Variants in TECPR2 observed in about 807,000 individuals in gnomAD.
The protein encoded by TECPR2 is tectonin beta-propeller repeat containing 2.
A neutral mutation model predicts 138.1 loss-of-function variants in TECPR2; 65 were observed. The ratio of observed to expected loss-of-function variants is 0.47; its 90% CI spans 0.39 to 0.58. TECPR2 has a LOEUF of 0.58. TECPR2 is among the 20% of genes least tolerant of loss of function. TECPR2 has a pLI of 0.00. For synonymous variants in TECPR2, 746 were observed against 749.8 expected (o/e 0.99, Z 0.08); for missense variants, 1,553 against 1,824.5 (o/e 0.85, Z 2.71).
chr14:102,365,288 C>T (rs1192013142), intron 1 of TECPR2, among the ~76,000 whole-genome samples: 1 of 152,132 alleles, frequency 6.6e-6, no homozygotes, highest in African/African-American at 2.4e-5. Flanking sequence ...TGGTGCTGTG[C>T]GATAACTGCC....
rs748834311 is a variant in TECPR2, at chr14:102,443,733, G to A, written c.2839G>A (p.Val947Met). 2.5e-6 allele frequency: 4 copies of A among 1,613,260 alleles called. No individual in the cohort carries two copies. The highest frequency in any genetic ancestry group is 3.4e-6 in the Non-Finnish European group (4 of 1,179,360). The change falls in exon 12 of 20, where the codon GTG (valine) becomes ATG (methionine). Residue 947 changes from valine to methionine, a missense_variant. Val to Met is a conservative substitution (Grantham distance 21). Transcript: ENST00000359520. The surrounding 1 kb of genome is among the most constrained non-coding windows in gnomAD (Gnocchi z 4.9). ...LSQITARNNV[V>M]WALTEQRALL... ...CCAGATCACAGCCCGGAACAATGTG[G>A]TGTGGGCGCTGACAGAGCAGAGGGC...
rs769212874 is a variant in TECPR2, at chr14:102,497,005, C to T, written c.3816C>T (p.Val1272=). The change falls in exon 18 of 20, where the codon GTC becomes GTT. Residue 1272 remains valine, a synonymous_variant. Coordinates refer to ENST00000359520, the MANE Select transcript of TECPR2 (RefSeq NM_014844.5). The part of the protein sequence containing the change: ...VQPAGVSLVS[V]HSSPNDQMLW... ...CCGCCGGGGTCAGCTTGGTCAGCGT[C>T]CATTCCAGCCCCAACGACCAGATGC... is the stretch of plus-strand genomic sequence containing the variant. 4.3e-6 allele frequency: 7 copies of T among 1,614,068 alleles called. No homozygotes were observed. The South Asian group carries it at 6.6e-5, about 15-fold the overall frequency.
At chr14:102,463,348 C>T (rs1213112355) in intron 16 of TECPR2, among the ~76,000 whole-genome samples, 2 of 135,218 alleles carry the variant, frequency 1.5e-5, no homozygotes, top group East Asian at 2.4e-4. Flanking sequence ...ACCCGGGAGG[C>T]GGAGCTTGCA....
At chr14:102,455,065 G>A (rs1338395306) in intron 16 of TECPR2, among the ~76,000 whole-genome samples, 1 of 152,170 alleles carries the variant, frequency 6.6e-6, no homozygotes, top group Non-Finnish European at 1.5e-5. Flanking sequence ...TTTCTCTCGG[G>A]GAGAAACCTG....
At chr14:102,463,416 C>CAAAAAAAAAAAAAAAAAAAAAAAAA (rs550694466) in intron 16 of TECPR2, among the ~76,000 whole-genome samples, 1 of 38,534 alleles carries the variant, frequency 2.6e-5, no homozygotes, top group East Asian at 7.8e-4. Context: ...GACTCCGTCT[C>CAAAAAAAAAAAAAAAAAAAAAAAAA]AAAAAAAAAA....
At chr14:102,495,353 C>A (rs1235701734) in intron 17 of TECPR2, among the ~76,000 whole-genome samples, 4 of 152,224 alleles carry the variant, frequency 2.6e-5, no homozygotes, top group Non-Finnish European at 5.9e-5. Flanking sequence ...TATTCACCAC[C>A]TTCCCTCTGA....
Position 102,440,432 on chromosome 14 carries a change from A to G in TECPR2, c.2579-4A>G, listed in dbSNP as rs752508756. The G allele has an allele frequency of 1.6e-5, 26 of 1,613,708 alleles. No individual in the cohort carries two copies. The highest frequency in any genetic ancestry group is 2.2e-5 in the East Asian group (1 of 44,896). Reference sequence around the variant, plus strand: ...GACAGTGAATAGAATTTTTATTTCCATAGGAGCCCTTCTCTGGAAGATTGA... The same window carrying G: ...GACAGTGAATAGAATTTTTATTTCCGTAGGAGCCCTTCTCTGGAAGATTGA... On this transcript the variant is annotated splice_polypyrimidine_tract_variant and splice_region_variant and intron_variant, in intron 10 of 19. Coordinates refer to ENST00000359520, the MANE Select transcript of TECPR2 (RefSeq NM_014844.5).
chr14:102,408,408 G>A lies in TECPR2; in HGVS notation c.349-80G>A, dbSNP rs915711721. On this transcript the variant is annotated intron_variant, in intron 3 of 19. Coordinates refer to ENST00000359520, the MANE Select transcript of TECPR2 (RefSeq NM_014844.5). ...AGCTCTTCCCTAACTAGGAGTGATT[G>A]TATACCTTTTCCATGTAGCCCCAGC... 7.5e-6 allele frequency: 11 copies of A among 1,473,546 alleles called. No individual in the cohort carries two copies. In the East Asian group the frequency reaches 1.9e-4, roughly 25 times the overall value. The allele number at this position is 1,473,546 out of a possible 1,614,324, so 91.3% of individuals were successfully genotyped here.
chr14:102,380,894 G>A (rs1887790638), intron 2 of TECPR2, among the ~76,000 whole-genome samples: 1 of 151,654 alleles, frequency 6.6e-6, no homozygotes, highest in African/African-American at 2.4e-5. Context: ...TCACCAGGAT[G>A]GTCTCGATCT....
At chr14:102,456,621 G>GCT (rs1360561336) in intron 16 of TECPR2, among the ~76,000 whole-genome samples, 2 of 144,448 alleles carry the variant, frequency 1.4e-5, no homozygotes, top group African/African-American at 2.6e-5. Context: ...ACAGAGTCTC[G>GCT]CTCTGTTGCC....
intron 5 of TECPR2, among the ~76,000 whole-genome samples, chr14:102,423,384 C>G (rs1168551492): frequency 6.6e-6 from 1 of 151,788 alleles, no homozygotes; most frequent in Non-Finnish European, 1.5e-5. Context: ...TTGCATTGAG[C>G]CCAGATTGCG....
At chr14:102,430,505 T>C (rs1344401671) in intron 7 of TECPR2, among the ~76,000 whole-genome samples, 1 of 152,202 alleles carries the variant, frequency 6.6e-6, no homozygotes, top group Non-Finnish European at 1.5e-5. Flanking sequence ...CAGGAATTCC[T>C]GTGTCTTATG....
In TECPR2 at chr14:102,498,317, A is replaced by T. The variant is rs2403058; in HGVS notation, c.*60A>T. On this transcript the variant is annotated 3_prime_UTR_variant, in exon 20 of 20. Transcript: ENST00000359520. ...CGTCTGTGGCGGGCACAGGGGCTTC[A>T]GAGTGACTCCCTGGTGGACGCGCTG... 1 of 1,535,986 alleles carries T rather than the reference A, an allele frequency of 6.5e-7. No homozygotes were observed. Among genetic ancestry groups the T allele is most frequent in the South Asian group, 1.2e-5 (1 of 83,422 alleles).
At chr14:102,406,758 G>A (rs965918517) in intron 2 of TECPR2, among the ~76,000 whole-genome samples, 1 of 152,170 alleles carries the variant, frequency 6.6e-6, no homozygotes, top group Non-Finnish European at 1.5e-5. Flanking sequence ...GGAGGCTGAG[G>A]TGCGAGGATC....
intron 7 of TECPR2, among the ~76,000 whole-genome samples, chr14:102,431,295 A>G (rs1166830051): frequency 6.6e-6 from 1 of 151,548 alleles, no homozygotes; most frequent in Non-Finnish European, 1.5e-5. Flanking sequence ...GAAGAACAAA[A>G]ACTGTTTCTT....
At chr14:102,477,862 G>A (rs1344958521) in intron 17 of TECPR2, among the ~76,000 whole-genome samples, 1 of 141,242 alleles carries the variant, frequency 7.1e-6, no homozygotes, top group African/African-American at 2.6e-5. Flanking sequence ...GTGAACCCAG[G>A]AGGCGGAACT....
intron 5 of TECPR2, among the ~76,000 whole-genome samples, chr14:102,422,731 G>C (rs982878977): frequency 2.0e-5 from 3 of 152,248 alleles, no homozygotes; most frequent in African/African-American, 7.2e-5. Flanking sequence ...GGGGCAGGAA[G>C]TGTTAGGAGC....
Position 102,438,791 on chromosome 14 carries a change from C to T in TECPR2, c.2578+586C>T, listed in dbSNP as rs190905779. On this transcript the variant is annotated intron_variant, in intron 10 of 19. Coordinates refer to ENST00000359520, the MANE Select transcript of TECPR2 (RefSeq NM_014844.5). ...TGAACTGGAGCTGGTGTTTCCTGAA[C>T]GATGTTCTCCTGAGCTGGAAGACCT... 6.2e-4 allele frequency among the ~76,000 whole-genome samples: 94 copies of T among 151,960 alleles called. 2 individuals carry two copies. The highest frequency in any genetic ancestry group is 2.1e-3 in the African/African-American group (87 of 41,466).
At chr14:102,468,343 A>G (rs1401522479) in intron 17 of TECPR2, among the ~76,000 whole-genome samples, 3 of 151,316 alleles carry the variant, frequency 2.0e-5, no homozygotes, top group African/African-American at 7.3e-5. Context: ...ATGCACCGCC[A>G]TGCCTGGCTA....
Sources: gnomAD v4.1 joint callset for allele counts (sites outside exome capture counted in the v4.1 genomes callset) on GRCh38, gnomAD v4.1.1 for gene constraint, Gnocchi (gnomAD v3.1) non-coding constraint, MANE v1.5 for transcripts, NCBI Gene and HGNC (gene_info 2026-07-23, HGNC 2026-07-21) for gene names.